ITPRID1: variants seen among roughly 807,000 people sequenced by gnomAD.
ITPRID1 encodes protein ITPRID1.
ITPRID1 carries 96 observed loss-of-function variants against 95.4 expected under a neutral mutation model. The ratio of observed to expected loss-of-function variants is 1.01; its 90% CI spans 0.85 to 1.19. The LOEUF (loss-of-function observed/expected upper bound fraction) is 1.19, where lower values mean the gene tolerates loss of function less well. Ranked by LOEUF, ITPRID1 falls within the 50% of genes most tolerant of loss-of-function variation. The probability of loss-of-function intolerance (pLI) is 0.00; values close to 1 mark genes in which losing one functional copy is unlikely to be tolerated. For missense variants in ITPRID1, 1,339 were observed against 1,252.9 expected, an observed-to-expected ratio of 1.07 and a Z score of -1.04; for synonymous variants, 510 against 453.6, an observed-to-expected ratio of 1.12 and a Z score of -1.58.
chr7:31,643,764 C>T lies in ITPRID1; in HGVS notation c.2394C>T (p.Cys798=), dbSNP rs779851488. ...CTAGTATCTGCCCAATGGGCACCTGCCATGCTATACCTGCCCACTGCTGCA... is the reference window on the plus strand; with the variant it reads ...CTAGTATCTGCCCAATGGGCACCTGTCATGCTATACCTGCCCACTGCTGCA... ...GFSSICPMGT[C]HAIPAHCCIC... The change falls in exon 12 of 15, where the codon TGC becomes TGT. Residue 798 remains cysteine (C), a synonymous_variant. Transcript: ENST00000615280. The T allele has an allele frequency of 1.3e-5, 21 of 1,614,036 alleles. No homozygotes were observed. The highest frequency in any genetic ancestry group is 1.7e-5 in the Non-Finnish European group (20 of 1,179,894).
intron 1 of ITPRID1, among the ~76,000 whole-genome samples, chr7:31,539,535 A>G (rs1300021266): frequency 6.6e-6 from 1 of 152,228 alleles, no homozygotes; most frequent in Non-Finnish European, 1.5e-5. Flanking sequence ...CTGATAGATC[A>G]TACGTTAAAG....
At chr7:31,605,465 G>T (rs746720791) in intron 10 of ITPRID1, among the ~76,000 whole-genome samples, 1 of 152,164 alleles carries the variant, frequency 6.6e-6, no homozygotes, top group Non-Finnish European at 1.5e-5. Context: ...TTCTCAGGTA[G>T]TATGAAATTA....
chr7:31,605,646 G>A (rs1439508050), intron 10 of ITPRID1, among the ~76,000 whole-genome samples: 5 of 152,188 alleles, frequency 3.3e-5, no homozygotes, highest in African/African-American at 9.7e-5. Context: ...CCAGTAAAAA[G>A]GAAACTGGTG....
rs1168751663 is a variant in ITPRID1, at chr7:31,642,899, C to A, written c.1529C>A (p.Ala510Asp). 6.2e-7 allele frequency: 1 copy of A among 1,613,988 alleles called. No individual in the cohort carries two copies. Among genetic ancestry groups the A allele is most frequent in the East Asian group, 2.2e-5 (1 of 44,872 alleles). ...ATGGAGGAAGAGTTTCTGCTTGAGG[C>A]CATGGAGGGGCCACCAGAGCTGTAT... ...SVMEEEFLLE[A>D]MEGPPELYIP... The change falls in exon 12 of 15, where the codon GCC becomes GAC. Residue 510 changes from alanine to aspartate, a missense_variant. By Grantham distance (126) the Ala-to-Asp change is moderately radical. Coordinates refer to ENST00000615280, the MANE Select transcript of ITPRID1 (RefSeq NM_001257967.3).
intron 9 of ITPRID1, among the ~76,000 whole-genome samples, chr7:31,580,919 C>G: frequency 6.6e-6 from 1 of 152,126 alleles, no homozygotes; most frequent in East Asian, 1.9e-4. Context: ...AAAAGAAACA[C>G]ACTACTCGAA....
At chr7:31,559,483 A>G (rs1784557998) in intron 5 of ITPRID1, among the ~76,000 whole-genome samples, 1 of 152,144 alleles carries the variant, frequency 6.6e-6, no homozygotes, top group African/African-American at 2.4e-5. Context: ...CAACATGGCA[A>G]AATCCTGTCT....
At position 31,519,621 on chromosome 7, in the gene ITPRID1, T is replaced by TCTCTCTCTCC. The variant is rs1554279823; in HGVS notation, c.-98+5501_-98+5502insCTCTCTCTCC. Among the ~76,000 whole-genome samples the TCTCTCTCTCC allele has an allele frequency of 4.0e-3, 120 of 30,118 alleles. 1 individual carries two copies. The highest frequency in any genetic ancestry group is 0.016 in the Middle Eastern group (1 of 64). 19.8% of individuals were successfully genotyped at this position (30,118 alleles called of 152,430 possible). On this transcript the variant is annotated intron_variant, in intron 1 of 14. Transcript: ENST00000615280. ...CTCTCTCTCTCTCTCTCTCTCTCTC[T>TCTCTCTCTCC]ATATATATATATATATATATATATA...
chr7:31,632,394 C>G (rs552220147), intron 10 of ITPRID1, among the ~76,000 whole-genome samples: 3 of 152,226 alleles, frequency 2.0e-5, no homozygotes, highest in African/African-American at 7.2e-5. Flanking sequence ...TTGCAATGAG[C>G]CGAGATTGTG....
intron 1 of ITPRID1, among the ~76,000 whole-genome samples, chr7:31,528,253 G>A (rs1202251718): frequency 1.3e-5 from 2 of 152,126 alleles, no homozygotes; most frequent in Non-Finnish European, 2.9e-5. Context: ...GGTAATTGAG[G>A]TTGTTTATGT....
At chr7:31,527,275 C>A (rs1423230265) in intron 1 of ITPRID1, among the ~76,000 whole-genome samples, 1 of 152,144 alleles carries the variant, frequency 6.6e-6, no homozygotes, top group African/African-American at 2.4e-5. Flanking sequence ...AAAACTGCGC[C>A]TCTTCTTTTA....
At chr7:31,547,193 GA>G (rs1784126061) in intron 1 of ITPRID1, among the ~76,000 whole-genome samples, 1 of 152,202 alleles carries the variant, frequency 6.6e-6, no homozygotes, top group Non-Finnish European at 1.5e-5. Flanking sequence ...TGATATGTGT[GA>G]AACTGCGAGT....
chr7:31,643,847 C>T lies in ITPRID1; in HGVS notation c.2477C>T (p.Pro826Leu), dbSNP rs1473221075. ...HGERQSPGPEPSVCRHCLCSL... is the reference protein window; with the variant it reads ...HGERQSPGPELSVCRHCLCSL... ...GAGAGGCAAAGCCCTGGCCCTGAAC[C>T]CTCAGTCTGTAGGCACTGCCTGTGT... The change falls in exon 12 of 15, where the codon CCC becomes CTC. Residue 826 changes from proline (P) to leucine (L), a missense_variant. Pro to Leu is a moderately conservative substitution (Grantham distance 98, BLOSUM62 -3). Transcript: ENST00000615280. 1 of 1,613,948 alleles carries T rather than the reference C, an allele frequency of 6.2e-7. No individual in the cohort carries two copies. The highest frequency in any genetic ancestry group is 8.5e-7 in the Non-Finnish European group (1 of 1,179,896).
chr7:31,629,819 T>C (rs1052305642), intron 10 of ITPRID1, among the ~76,000 whole-genome samples: 1 of 152,168 alleles, frequency 6.6e-6, no homozygotes, highest in African/African-American at 2.4e-5. Context: ...CCTCAGGAAA[T>C]AGAGCATCCA....
chr7:31,574,338 A>G lies in ITPRID1; in HGVS notation c.396-202A>G, dbSNP rs373042934. 1.7e-3 allele frequency among the ~76,000 whole-genome samples: 262 copies of G among 152,230 alleles called. 2 individuals carry two copies. The highest frequency in any genetic ancestry group is 6.8e-3 in the Middle Eastern group (2 of 294). Reference sequence around the variant, plus strand: ...TAAGTAAACTCATAGTTTTGGATGTAAAGTACAGGCAAGCAGTCCCTGAGT... The same window carrying G: ...TAAGTAAACTCATAGTTTTGGATGTGAAGTACAGGCAAGCAGTCCCTGAGT... On this transcript the variant is annotated intron_variant, in intron 7 of 14. Transcript: ENST00000615280.
At chr7:31,530,085 A>T (rs1454565910) in intron 1 of ITPRID1, among the ~76,000 whole-genome samples, 1 of 152,172 alleles carries the variant, frequency 6.6e-6, no homozygotes, top group Admixed American at 6.6e-5. Flanking sequence ...GCTGCCATTA[A>T]CATGGAAAGG....
At chr7:31,605,858 T>A (rs1786598736) in intron 10 of ITPRID1, among the ~76,000 whole-genome samples, 1 of 152,136 alleles carries the variant, frequency 6.6e-6, no homozygotes, top group Non-Finnish European at 1.5e-5. Context: ...TTTGATTGGT[T>A]TCTTCTGCTG....
intron 1 of ITPRID1, among the ~76,000 whole-genome samples, chr7:31,519,640 ATATAT>A (rs1562543201): frequency 5.3e-5 from 7 of 132,324 alleles, no homozygotes; most frequent in African/African-American, 2.0e-4. Context: ...ATATATATAT[ATATAT>A]AAATCTTATG....
chr7:31,602,660 C>T (rs966766536), intron 10 of ITPRID1, among the ~76,000 whole-genome samples: 2 of 152,046 alleles, frequency 1.3e-5, no homozygotes, highest in Admixed American at 6.5e-5. Context: ...TAGTCGCCAT[C>T]GGGGTGAGTG....
At chr7:31,520,063 G>T (rs1783192363) in intron 1 of ITPRID1, among the ~76,000 whole-genome samples, 1 of 150,782 alleles carries the variant, frequency 6.6e-6, no homozygotes, top group Non-Finnish European at 1.5e-5. Context: ...AACTTTTCTT[G>T]CTTTTGATGA....
Sources: allele counts gnomAD v4.1 joint callset (sites outside exome capture counted in the v4.1 genomes callset), GRCh38; gene constraint gnomAD v4.1.1; transcripts MANE v1.5; gene names NCBI Gene and HGNC (gene_info 2026-07-23, HGNC 2026-07-21).